The following MCRIP1 variants were observed in gnomAD, a reference collection of about 807,000 sequenced individuals.
The protein encoded by MCRIP1 is MAPK regulated corepressor interacting protein 1.
Under a neutral mutation model 14.4 loss-of-function variants are expected in MCRIP1, and 10 were observed. That is an observed-to-expected ratio of 0.70 (90% CI 0.43 to 1.18). MCRIP1 has a LOEUF of 1.18. Among genes scored for constraint, MCRIP1 ranks in the 50% most tolerant of loss-of-function variants. The probability of loss-of-function intolerance (pLI) is 0.00; values close to 1 mark genes in which losing one functional copy is unlikely to be tolerated. For missense variants in MCRIP1, 119 were observed against 135.4 expected, an observed-to-expected ratio of 0.88 and a Z score of 0.60; for synonymous variants, 53 against 55.7, an observed-to-expected ratio of 0.95 and a Z score of 0.21.
intron 1 of MCRIP1, among the ~76,000 whole-genome samples, chr17:81,830,295 G>A (rs1048680452): frequency 6.6e-5 from 10 of 152,248 alleles, no homozygotes; most frequent in Non-Finnish European, 2.9e-5. Context: ...TACGATGATG[G>A]ACAGGACAAG....
Position 81,823,142 on chromosome 17 carries a change from C to T in MCRIP1, c.*105G>A, listed in dbSNP as rs891984558. On this transcript the variant is annotated 3_prime_UTR_variant, in exon 5 of 5. Transcript: ENST00000455127. This position sits in a 1 kb window ranked among gnomAD's most constrained non-coding sequence, Gnocchi z 6.0. ...CACGCCAGTGCTGGGATCTGCAGCCCGCTGGAGCAAGGCACCCCCATCCCA... is the reference window on the plus strand; with the variant it reads ...CACGCCAGTGCTGGGATCTGCAGCCTGCTGGAGCAAGGCACCCCCATCCCA... 7.2e-6 allele frequency: 8 copies of T among 1,107,428 alleles called. No homozygotes were observed. Among genetic ancestry groups the T allele is most frequent in the Admixed American group, 2.0e-5 (1 of 50,098 alleles). 68.6% of individuals were successfully genotyped at this position (1,107,428 alleles called of 1,614,324 possible). A position where few individuals can be genotyped will look rare whatever the true frequency, so the allele number is the denominator to read the frequency against.
At chr17:81,824,814 G>A (rs1002229909) in intron 1 of MCRIP1, 43 of 1,366,644 alleles carry the variant, frequency 3.1e-5, no homozygotes, top group Non-Finnish European at 3.6e-5. Context: ...CCCGCTCAGC[G>A]GCCTTGATCC....
chr17:81,825,288 G>A (rs943335505), intron 1 of MCRIP1: 15 of 1,096,478 alleles, frequency 1.4e-5, no homozygotes, highest in African/African-American at 1.7e-5. Flanking sequence ...CTGGAAAAAT[G>A]GAGTCTATTT....
intron 1 of MCRIP1, chr17:81,825,189 C>T: frequency 9.5e-7 from 1 of 1,050,548 alleles, no homozygotes; most frequent in South Asian, 3.1e-5. Context: ...AGGGGGTGGC[C>T]CTGGAGGAAG....
intron 1 of MCRIP1, among the ~76,000 whole-genome samples, chr17:81,827,940 C>G (rs915763884): frequency 6.6e-6 from 1 of 151,774 alleles, no homozygotes; most frequent in African/African-American, 2.4e-5. Flanking sequence ...GCCACCACGC[C>G]CAGCTAATTT....
Position 81,823,205 on chromosome 17 carries a change from G to T in MCRIP1, c.*42C>A. Reference sequence around the variant, plus strand: ...CAGGACAGGAGGGAACCGACACCTCGCACCCTGATCTTCCGGAGGCCGGGG... The same window carrying T: ...CAGGACAGGAGGGAACCGACACCTCTCACCCTGATCTTCCGGAGGCCGGGG... On this transcript the variant is annotated 3_prime_UTR_variant, in exon 5 of 5. Coordinates refer to ENST00000455127, the MANE Select transcript of MCRIP1 (RefSeq NM_207368.5). This position sits in a 1 kb window ranked among gnomAD's most constrained non-coding sequence, Gnocchi z 6.0. The T allele has an allele frequency of 6.5e-7, 1 of 1,527,550 alleles. No homozygotes were observed. Among genetic ancestry groups the T allele is most frequent in the Non-Finnish European group, 8.8e-7 (1 of 1,139,876 alleles). 94.6% of individuals were successfully genotyped at this position (1,527,550 alleles called of 1,614,324 possible). A position where few individuals can be genotyped will look rare whatever the true frequency, so the allele number is the denominator to read the frequency against.
intron 1 of MCRIP1, chr17:81,826,574 C>G: frequency 3.5e-6 from 2 of 574,464 alleles, no homozygotes; most frequent in Non-Finnish European, 6.1e-6. Flanking sequence ...AATCCCAACA[C>G]TTTGGGAGGC....
chr17:81,822,872 G>C lies in MCRIP1; in HGVS notation c.*375C>G. ...AACCAGCCCAGTCCCAGCAGCCTGGGAGGCAGCAGAGGCTCCTTCTTCTCC... is the reference window on the plus strand; with the variant it reads ...AACCAGCCCAGTCCCAGCAGCCTGGCAGGCAGCAGAGGCTCCTTCTTCTCC... On this transcript the variant is annotated 3_prime_UTR_variant, in exon 5 of 5. Transcript: ENST00000455127. 7.6e-6 allele frequency: 3 copies of C among 395,150 alleles called. No individual in the cohort carries two copies. The South Asian group carries it at 8.5e-5, about 11-fold the overall frequency. The allele number at this position is 395,150 out of a possible 1,614,324, so 24.5% of individuals were successfully genotyped here.
intron 1 of MCRIP1, chr17:81,826,450 GA>G: frequency 7.0e-7 from 1 of 1,430,524 alleles, no homozygotes. Context: ...TTGAGCCCAG[GA>G]GGTCAAGGCT....
At chr17:81,828,024 T>A (rs1430724346) in intron 1 of MCRIP1, among the ~76,000 whole-genome samples, 4 of 151,684 alleles carry the variant, frequency 2.6e-5, no homozygotes, top group African/African-American at 9.7e-5. Flanking sequence ...TCGTGATCCA[T>A]CTGCTTCGGC....
chr17:81,831,402 CAAAA>C lies in MCRIP1; in HGVS notation c.-49+1832_-49+1835del, dbSNP rs577541495. On this transcript the variant is annotated intron_variant, in intron 1 of 4. Coordinates refer to ENST00000455127, the MANE Select transcript of MCRIP1 (RefSeq NM_207368.5). ...GGGCCCCATCTCTGCTCTCTGCCCT[CAAAA>C]AAAAAAAAAAAAAAAAAGAACGAAA... is the stretch of plus-strand genomic sequence containing the variant. Among the ~76,000 whole-genome samples the C allele has an allele frequency of 2.9e-4, 20 of 67,804 alleles. 1 individual carries two copies. In the East Asian group the frequency reaches 9.3e-3, roughly 31 times the overall value. 44.5% of individuals were successfully genotyped at this position (67,804 alleles called of 152,430 possible).
Position 81,823,298 on chromosome 17 carries a change from G to A in MCRIP1, c.243C>T (p.Ile81=), listed in dbSNP as rs370899977. 1.0e-4 allele frequency: 161 copies of A among 1,536,960 alleles called. No individual in the cohort carries two copies. In the African/African-American group the frequency reaches 1.3e-3, roughly 13 times the overall value. ...PNPSLKTFKP[I]DLSDLKRRST... The stretch of plus-strand genomic sequence containing the variant: ...TCCGGCGCTTCAGGTCACTCAGGTC[G>A]ATGGGCTTGAAGGCTGCCAGGGGAC... The change falls in exon 5 of 5, where the codon ATC becomes ATT. Residue 81 remains isoleucine, a synonymous_variant. Coordinates refer to ENST00000455127, the MANE Select transcript of MCRIP1 (RefSeq NM_207368.5). The surrounding 1 kb of genome is among the most constrained non-coding windows in gnomAD (Gnocchi z 6.0).
intron 1 of MCRIP1, chr17:81,825,627 G>A (rs911236905): frequency 1.9e-5 from 25 of 1,289,336 alleles, no homozygotes; most frequent in East Asian, 1.1e-4. Context: ...CAAACACCAC[G>A]TGATAAGAAT....
chr17:81,823,602 C>T lies in MCRIP1; in HGVS notation c.128-89G>A. The T allele has an allele frequency of 9.7e-7, 1 of 1,035,542 alleles. No individual in the cohort carries two copies. Among genetic ancestry groups the T allele is most frequent in the South Asian group, 1.4e-5 (1 of 69,798 alleles). 64.1% of individuals were successfully genotyped at this position (1,035,542 alleles called of 1,614,324 possible). ...AGAGTGCCTGCCCTCAGCTCCTGCC[C>T]TCCCAGATCCTCTTCTCCCTCAGAA... On this transcript the variant is annotated intron_variant, in intron 3 of 4. Transcript: ENST00000455127. The surrounding 1 kb of genome is among the most constrained non-coding windows in gnomAD (Gnocchi z 6.0).
Position 81,823,201 on chromosome 17 carries a change from C to T in MCRIP1, c.*46G>A, listed in dbSNP as rs1332935721. 2 of 1,525,154 alleles carry T rather than the reference C, an allele frequency of 1.3e-6. No individual in the cohort carries two copies. Among genetic ancestry groups the T allele is most frequent in the South Asian group, 1.2e-5 (1 of 83,824 alleles). The allele number at this position is 1,525,154 out of a possible 1,614,324, so 94.5% of individuals were successfully genotyped here. On this transcript the variant is annotated 3_prime_UTR_variant, in exon 5 of 5. Transcript: ENST00000455127. This position sits in a 1 kb window ranked among gnomAD's most constrained non-coding sequence, Gnocchi z 6.0. ...ACCACAGGACAGGAGGGAACCGACA[C>T]CTCGCACCCTGATCTTCCGGAGGCC...
At position 81,822,977 on chromosome 17, in the gene MCRIP1, C is replaced by G; in HGVS notation, c.*270G>C. 1.7e-6 allele frequency: 1 copy of G among 586,428 alleles called. No homozygotes were observed. 36.3% of individuals were successfully genotyped at this position (586,428 alleles called of 1,614,324 possible). A position where few individuals can be genotyped will look rare whatever the true frequency, so the allele number is the denominator to read the frequency against. ...CAGGTCAGGGCCCCTGGGGGCCAGG[C>G]AGCTTCAAAAATGCAGCCAGGTGGC... On this transcript the variant is annotated 3_prime_UTR_variant, in exon 5 of 5. Coordinates refer to ENST00000455127, the MANE Select transcript of MCRIP1 (RefSeq NM_207368.5).
At chr17:81,824,860 C>A in intron 1 of MCRIP1, 1 of 1,273,550 alleles carries the variant, frequency 7.9e-7, no homozygotes, top group Non-Finnish European at 9.9e-7. Flanking sequence ...GGCCTCAGCC[C>A]CAGCACCGGG....
At chr17:81,824,981 C>T in intron 1 of MCRIP1, 1 of 1,059,638 alleles carries the variant, frequency 9.4e-7, no homozygotes, top group Non-Finnish European at 1.1e-6. Context: ...AGCTAACTGA[C>T]CCTGCTCTCC....
intron 1 of MCRIP1, among the ~76,000 whole-genome samples, chr17:81,828,891 C>T (rs980101778): frequency 1.3e-5 from 2 of 152,196 alleles, no homozygotes; most frequent in East Asian, 1.9e-4. Flanking sequence ...CTCAGCGGGG[C>T]GGCCTAGCAT....
Sources: allele counts gnomAD v4.1 joint callset (sites outside exome capture counted in the v4.1 genomes callset), GRCh38; gene constraint gnomAD v4.1.1; non-coding constraint Gnocchi (gnomAD v3.1); transcripts MANE v1.5; gene names NCBI Gene and HGNC (gene_info 2026-07-23, HGNC 2026-07-21).